The following ITCH variants were observed in gnomAD, a reference collection of about 807,000 sequenced individuals.
The protein encoded by ITCH is E3 ubiquitin-protein ligase Itchy homolog.
ITCH carries 28 observed loss-of-function variants against 126.8 expected under a neutral mutation model. The observed-to-expected ratio is 0.22, with a 90% confidence interval of 0.16 to 0.30. The LOEUF is 0.30. Among genes scored for constraint, ITCH ranks in the 10% least tolerant of loss-of-function variants. The pLI is 1.00. For missense variants in ITCH, 631 were observed against 1,032.4 expected (o/e 0.61, Z 5.33); for synonymous variants, 342 against 340.0 (o/e 1.01, Z -0.06).
chr20:34,487,313 G>T (rs1031108893), intron 20 of ITCH, among the ~76,000 whole-genome samples: 2 of 151,942 alleles, frequency 1.3e-5, no homozygotes, highest in African/African-American at 4.8e-5. Flanking sequence ...TGCCCAGCCA[G>T]GTCTTATTTT....
intron 24 of ITCH, 31 bp downstream of exon 24, chr20:34,504,434 A>G: frequency 1.4e-6 from 2 of 1,420,396 alleles, no homozygotes; most frequent in Non-Finnish European, 2.0e-6. Flanking sequence ...TAGAGAAAAC[A>G]GCTTTTGTCC....
rs1379598476 is a variant in ITCH, at chr20:34,420,567, A to G, written c.476-3913A>G. 2.6e-5 allele frequency among the ~76,000 whole-genome samples: 4 copies of G among 152,346 alleles called. No homozygotes were observed. In the East Asian group the frequency reaches 5.8e-4, roughly 22 times the overall value. On this transcript the variant is annotated intron_variant, in intron 6 of 24. Transcript: ENST00000374864. Reference sequence around the variant, plus strand: ...AGCATTTGTGTACAAGGTTCTGTGTAGAAATATGTTTTCATTTCTTTTGGA... The same window carrying G: ...AGCATTTGTGTACAAGGTTCTGTGTGGAAATATGTTTTCATTTCTTTTGGA...
intron 3 of ITCH, among the ~76,000 whole-genome samples, 173 bp downstream of exon 3, chr20:34,394,054 A>G (rs758859647): frequency 1.3e-5 from 2 of 151,960 alleles, no homozygotes; most frequent in African/African-American, 4.8e-5. Flanking sequence ...CAACATGGAG[A>G]ATACAAAATT....
chr20:34,393,129 T>A (rs2038545520), intron 2 of ITCH, among the ~76,000 whole-genome samples: 1 of 152,132 alleles, frequency 6.6e-6, no homozygotes, highest in South Asian at 2.1e-4. Context: ...TCTGCCTGCG[T>A]TTTGTCAGAC....
chr20:34,365,149 G>C (rs1028796395), intron 1 of ITCH, among the ~76,000 whole-genome samples: 2 of 151,908 alleles, frequency 1.3e-5, no homozygotes, highest in African/African-American at 4.8e-5. Flanking sequence ...GCGGTGAGCT[G>C]TTACCGTTGC....
chr20:34,477,520 ACTGT>A (rs1292132315), intron 16 of ITCH, among the ~76,000 whole-genome samples: 2 of 152,156 alleles, frequency 1.3e-5, no homozygotes, highest in Non-Finnish European at 2.9e-5. Context: ...CGAGGGAGAG[ACTGT>A]CTAAAAGTAA....
chr20:34,387,129 C>T (rs1242389842), intron 2 of ITCH, among the ~76,000 whole-genome samples: 4 of 150,948 alleles, frequency 2.6e-5, no homozygotes, highest in African/African-American at 7.3e-5. Flanking sequence ...ATGGCAAAAC[C>T]CCATCTCTAC....
intron 14 of ITCH, among the ~76,000 whole-genome samples, chr20:34,467,909 A>ATTCCACCCAG (rs1987236463): frequency 6.6e-6 from 1 of 152,116 alleles, no homozygotes; most frequent in South Asian, 2.1e-4. Context: ...CCTGGGTGAC[A>ATTCCACCCAG]GAGTGACATT....
chr20:34,450,166 C>T (rs1354151528), intron 12 of ITCH, among the ~76,000 whole-genome samples: 3 of 152,068 alleles, frequency 2.0e-5, no homozygotes, highest in African/African-American at 7.2e-5. Context: ...AATAATGTAC[C>T]AATGCCACTT....
intron 6 of ITCH, among the ~76,000 whole-genome samples, chr20:34,422,432 C>T (rs1980897228): frequency 1.3e-5 from 2 of 152,164 alleles, no homozygotes; most frequent in East Asian, 1.9e-4. Context: ...ATTTTAGTAA[C>T]TTATGCTGGA....
chr20:34,390,293 T>C (rs564464001), intron 2 of ITCH, among the ~76,000 whole-genome samples: 2 of 152,104 alleles, frequency 1.3e-5, no homozygotes, highest in South Asian at 4.1e-4. Flanking sequence ...GAAGAAAGTG[T>C]GGCTTAGAGA....
intron 1 of ITCH, among the ~76,000 whole-genome samples, chr20:34,367,459 T>C (rs1302763309): frequency 1.3e-5 from 2 of 152,190 alleles, no homozygotes; most frequent in Non-Finnish European, 2.9e-5. Flanking sequence ...ACTTGCTCAT[T>C]GAGTTTTAGA....
chr20:34,462,350 C>A, intron 14 of ITCH, 129 bp downstream of exon 14: 1 of 939,514 alleles, frequency 1.1e-6, no homozygotes, highest in Non-Finnish European at 1.6e-6. Flanking sequence ...GGTTTCTGTT[C>A]ATTAAGTATT....
intron 3 of ITCH, among the ~76,000 whole-genome samples, chr20:34,406,176 A>G (rs1317046903): frequency 6.6e-6 from 1 of 151,530 alleles, no homozygotes; most frequent in Non-Finnish European, 1.5e-5. Context: ...GGTGCACGCC[A>G]TCATGCCTGG....
At chr20:34,429,388 A>C (rs1462554228) in intron 7 of ITCH, among the ~76,000 whole-genome samples, 1 of 152,214 alleles carries the variant, frequency 6.6e-6, no homozygotes, top group Non-Finnish European at 1.5e-5. Flanking sequence ...AAATAAATAA[A>C]ATAAACCGCC....
intron 6 of ITCH, among the ~76,000 whole-genome samples, chr20:34,418,569 T>C (rs1980276719): frequency 6.6e-6 from 1 of 152,092 alleles, no homozygotes; most frequent in Non-Finnish European, 1.5e-5. Context: ...TTACCAAATA[T>C]TATTTGAAGT....
At position 34,462,083 on chromosome 20, in the gene ITCH, T is replaced by C; in HGVS notation, c.1296-10T>C. 1 of 1,613,312 alleles carries C rather than the reference T, an allele frequency of 6.2e-7. No homozygotes were observed. Among genetic ancestry groups the C allele is most frequent in the East Asian group, 2.2e-5 (1 of 44,830 alleles). On this transcript the variant is annotated splice_polypyrimidine_tract_variant and intron_variant, in intron 13 of 24. Transcript: ENST00000374864. ...ATATTTTTGTTTATGTTTTTTCCTGTGTTTCGTAGTCAATTAAATGAAAAG... is the reference window on the plus strand; with the variant it reads ...ATATTTTTGTTTATGTTTTTTCCTGCGTTTCGTAGTCAATTAAATGAAAAG...
intron 23 of ITCH, among the ~76,000 whole-genome samples, chr20:34,492,799 C>A (rs1159385123): frequency 6.6e-6 from 1 of 152,168 alleles, no homozygotes; most frequent in Non-Finnish European, 1.5e-5. Context: ...AAGCTAGAAC[C>A]CACAGCTAAC....
At chr20:34,506,556 C>T (rs1026358869) in intron 24 of ITCH, among the ~76,000 whole-genome samples, 1 of 152,184 alleles carries the variant, frequency 6.6e-6, no homozygotes, top group African/African-American at 2.4e-5. Flanking sequence ...CTATTGTGAA[C>T]TGTGCATGTG....
Sources: gnomAD v4.1 joint callset for allele counts (sites outside exome capture counted in the v4.1 genomes callset) on GRCh38, gnomAD v4.1.1 for gene constraint, MANE v1.5 for transcripts, NCBI Gene and HGNC (gene_info 2026-07-23, HGNC 2026-07-21) for gene names.